The following LRP1B variants were observed in gnomAD, a reference collection of about 807,000 sequenced individuals.
The protein encoded by LRP1B is low-density lipoprotein receptor-related protein 1B.
In LRP1B, 217 loss-of-function variants were observed where a neutral mutation model predicts 556.6. That is an observed-to-expected ratio of 0.39 (90% CI 0.35 to 0.44). The LOEUF (loss-of-function observed/expected upper bound fraction) is 0.44, where lower values mean the gene tolerates loss of function less well. Among genes scored for constraint, LRP1B ranks in the 20% least tolerant of loss-of-function variants. LRP1B has a pLI of 1.00. For synonymous variants in LRP1B, 2,047 were observed against 1,865.8 expected (o/e 1.10, Z -2.50); for missense variants, 5,053 against 5,620.8 (o/e 0.90, Z 3.23).
At chr2:141,721,366 T>G (rs1396565768) in intron 2 of LRP1B, among the ~76,000 whole-genome samples, 1 of 152,156 alleles carries the variant, frequency 6.6e-6, no homozygotes, top group Non-Finnish European at 1.5e-5. Context: ...TGTTGTTGCT[T>G]GTATTAATTT....
chr2:140,952,078 A>G (rs1370614143), intron 18 of LRP1B, 138 bp from the exon 19 acceptor site: 1 of 641,688 alleles, frequency 1.6e-6, no homozygotes, highest in Non-Finnish European at 2.8e-6. Flanking sequence ...ATAAACAAAT[A>G]CAGTGACTAT....
intron 1 of LRP1B, among the ~76,000 whole-genome samples, chr2:141,920,556 T>C (rs1236220462): frequency 6.6e-6 from 1 of 152,028 alleles, no homozygotes; most frequent in Non-Finnish European, 1.5e-5. Context: ...CACTGGTAAT[T>C]GGCTATTGAT....
intron 10 of LRP1B, among the ~76,000 whole-genome samples, chr2:141,053,673 C>T (rs1349923031): frequency 1.3e-5 from 2 of 151,942 alleles, no homozygotes; most frequent in East Asian, 1.9e-4. Flanking sequence ...CATTAAATCT[C>T]TTGTTGCTTC....
chr2:141,927,449 C>T (rs1259066510), intron 1 of LRP1B, among the ~76,000 whole-genome samples: 2 of 152,062 alleles, frequency 1.3e-5, no homozygotes, highest in Admixed American at 6.6e-5. Context: ...TAGAGCAAAA[C>T]ATGTCCATAT....
chr2:140,944,983 T>C (rs1695500791), intron 20 of LRP1B, among the ~76,000 whole-genome samples: 1 of 152,166 alleles, frequency 6.6e-6, no homozygotes, highest in African/African-American at 2.4e-5. Flanking sequence ...CTGTCTTAAC[T>C]GATGATATGA....
chr2:141,972,146 A>G (rs1237931935), intron 1 of LRP1B, among the ~76,000 whole-genome samples: 1 of 151,600 alleles, frequency 6.6e-6, no homozygotes, highest in East Asian at 1.9e-4. Flanking sequence ...TCCAAATACA[A>G]ATAATTATTG....
At chr2:140,813,510 G>A in intron 32 of LRP1B, 147 bp downstream of exon 32, 1 of 640,564 alleles carries the variant, frequency 1.6e-6, no homozygotes, top group South Asian at 2.1e-5. Flanking sequence ...GGAAAAGAAG[G>A]AAGAGAAGAA....
chr2:141,248,662 A>G, intron 4 of LRP1B, among the ~76,000 whole-genome samples: 1 of 152,192 alleles, frequency 6.6e-6, no homozygotes, highest in Admixed American at 6.6e-5. Flanking sequence ...TGGGAGCCAG[A>G]TAATGAAGAT....
intron 6 of LRP1B, among the ~76,000 whole-genome samples, chr2:141,219,277 G>A (rs111816852): frequency 0.021 from 3,150 of 152,298 alleles, 47 homozygotes; most frequent in Middle Eastern, 0.034. Flanking sequence ...TGGGGAGATC[G>A]GGCAGTTTAA....
chr2:141,285,617 G>A (rs1165548201), intron 3 of LRP1B, among the ~76,000 whole-genome samples: 2 of 147,906 alleles, frequency 1.4e-5, no homozygotes, highest in African/African-American at 4.9e-5. Context: ...CACCAAGGCC[G>A]GCTGATTTTT....
At chr2:141,887,623 T>C (rs1272388400) in intron 1 of LRP1B, among the ~76,000 whole-genome samples, 2 of 152,146 alleles carry the variant, frequency 1.3e-5, no homozygotes, top group East Asian at 3.9e-4. Flanking sequence ...CTAGAAGACA[T>C]AGTTATATTT....
intron 43 of LRP1B, among the ~76,000 whole-genome samples, chr2:140,546,647 G>A (rs1158651758): frequency 6.6e-6 from 1 of 151,958 alleles, no homozygotes; most frequent in Non-Finnish European, 1.5e-5. Context: ...CCTCCCACAG[G>A]GTCCCTCCCG....
intron 2 of LRP1B, among the ~76,000 whole-genome samples, chr2:141,717,291 G>C (rs568509436): frequency 1.6e-4 from 24 of 152,246 alleles, no homozygotes; most frequent in Middle Eastern, 3.4e-3. Context: ...TGCTGAAAAA[G>C]TCAAATGTGA....
At chr2:141,988,368 A>G (rs185592183) in intron 1 of LRP1B, among the ~76,000 whole-genome samples, 3 of 151,982 alleles carry the variant, frequency 2.0e-5, no homozygotes, top group Non-Finnish European at 4.4e-5. Context: ...GTAGTTGGCA[A>G]CTTATATTTA....
chr2:140,677,571 A>T (rs1685714645), intron 41 of LRP1B, among the ~76,000 whole-genome samples: 1 of 152,038 alleles, frequency 6.6e-6, no homozygotes, highest in African/African-American at 2.4e-5. Context: ...GGGTATACAC[A>T]AAGGTAATAG....
rs143977837 is a variant in LRP1B, at chr2:141,786,887, C to T, written c.205+23392G>A. Among the ~76,000 whole-genome samples, 156 of 152,060 alleles carry T rather than the reference C, an allele frequency of 1.0e-3. 3 individuals are homozygous for T. The highest frequency in any genetic ancestry group is 3.5e-3 in the African/African-American group (146 of 41,518). ...TTTTGCCAAATGCCTTCGCTGCATA[C>T]ATTGAGATGACTATATAGTTTTTCT... On this transcript the variant is annotated intron_variant, in intron 2 of 90. Coordinates refer to ENST00000389484, the MANE Select transcript of LRP1B (RefSeq NM_018557.3).
At chr2:140,284,891 TATGG>T (rs1683068888) in intron 84 of LRP1B, among the ~76,000 whole-genome samples, 3 of 133,580 alleles carry the variant, frequency 2.2e-5, no homozygotes, top group Admixed American at 1.6e-4. Context: ...TATATCTATA[TATGG>T]ATATCTATAT....
chr2:140,778,872 TAA>T (rs1200646639), intron 32 of LRP1B, among the ~76,000 whole-genome samples: 1 of 152,056 alleles, frequency 6.6e-6, no homozygotes, highest in Non-Finnish European at 1.5e-5. Context: ...AGAAAATTTG[TAA>T]AATATAGACC....
chr2:140,798,676 C>A (rs999801354), intron 32 of LRP1B, among the ~76,000 whole-genome samples: 9 of 152,146 alleles, frequency 5.9e-5, no homozygotes, highest in Non-Finnish European at 1.2e-4. Flanking sequence ...AGGATATTTA[C>A]CAGCATCATA....
Sources: gnomAD v4.1 joint callset for allele counts (sites outside exome capture counted in the v4.1 genomes callset) on GRCh38, gnomAD v4.1.1 for gene constraint, MANE v1.5 for transcripts, NCBI Gene and HGNC (gene_info 2026-07-23, HGNC 2026-07-21) for gene names.